PRDM16: variants seen among roughly 807,000 people sequenced by gnomAD.
PRDM16 encodes the protein histone-lysine N-methyltransferase PRDM16.
PRDM16 carries 23 observed loss-of-function variants against 110.6 expected under a neutral mutation model. That is an observed-to-expected ratio of 0.21 (90% CI 0.15 to 0.29). The LOEUF is 0.29. Among genes scored for constraint, PRDM16 ranks in the 10% least tolerant of loss-of-function variants. The pLI is 1.00. For synonymous variants in PRDM16, 799 were observed against 781.8 expected, an observed-to-expected ratio of 1.02 and a Z score of -0.37; for missense variants, 1,615 against 1,794.3, an observed-to-expected ratio of 0.90 and a Z score of 1.81.
At chr1:3,113,184 C>T (rs61765195) in intron 1 of PRDM16, among the ~76,000 whole-genome samples, 7 of 152,208 alleles carry the variant, frequency 4.6e-5, no homozygotes, top group East Asian at 1.9e-4. Flanking sequence ...GCTGGACACC[C>T]GTGCTGTGCA....
Position 3,328,017 on chromosome 1 carries a change from CT to C in PRDM16, c.439-57134del, listed in dbSNP as rs201636054. ...CCCTTGGGAAAAGGAGCAGGAGTCT[CT>C]GGGGACCGGAATCCCCCACAGGAGG... On this transcript the variant is annotated intron_variant, in intron 3 of 16. Coordinates refer to ENST00000270722, the MANE Select transcript of PRDM16 (RefSeq NM_022114.4). Among the ~76,000 whole-genome samples, 1,235 of 152,354 alleles carry C rather than the reference CT, an allele frequency of 8.1e-3. 6 individuals carry two copies. The highest frequency in any genetic ancestry group is 0.014 in the Middle Eastern group (4 of 294).
At chr1:3,325,713 G>A (rs12047663) in intron 3 of PRDM16, among the ~76,000 whole-genome samples, 3,169 of 152,292 alleles carry the variant, frequency 0.021, 171 homozygotes, top group East Asian at 0.11. Flanking sequence ...AGCCTCTCCA[G>A]GTCTGGTGTT....
chr1:3,269,011 G>A (rs537161971), intron 3 of PRDM16, among the ~76,000 whole-genome samples: 2 of 152,380 alleles, frequency 1.3e-5, no homozygotes, highest in Admixed American at 6.5e-5. Context: ...ATCCTTGATA[G>A]GCACTGCAGA....
chr1:3,338,816 C>T (rs1016279932), intron 3 of PRDM16, among the ~76,000 whole-genome samples: 1 of 152,240 alleles, frequency 6.6e-6, no homozygotes, highest in Non-Finnish European at 1.5e-5. Context: ...TGTGGACACA[C>T]ATGCCACCGT....
At chr1:3,285,450 C>G (rs1373879845) in intron 3 of PRDM16, among the ~76,000 whole-genome samples, 1 of 152,242 alleles carries the variant, frequency 6.6e-6, no homozygotes, top group Non-Finnish European at 1.5e-5. Flanking sequence ...AGCCCTGCCA[C>G]AGCCGCTGTG....
At chr1:3,123,600 C>T (rs1409919642) in intron 1 of PRDM16, among the ~76,000 whole-genome samples, 1 of 152,242 alleles carries the variant, frequency 6.6e-6, no homozygotes, top group East Asian at 1.9e-4. Context: ...GCAGCAGGTG[C>T]TGCTGGAACT....
chr1:3,303,379 A>G (rs1429684559), intron 3 of PRDM16, among the ~76,000 whole-genome samples: 3 of 152,110 alleles, frequency 2.0e-5, no homozygotes, highest in African/African-American at 7.2e-5. Context: ...AGGTTTTGCC[A>G]CGGTGAACAC....
At chr1:3,159,660 G>A (rs542554910) in intron 1 of PRDM16, among the ~76,000 whole-genome samples, 32 of 152,346 alleles carry the variant, frequency 2.1e-4, no homozygotes, top group Admixed American at 1.4e-3. Flanking sequence ...CCACACGGGT[G>A]GGTGGTGGGC....
chr1:3,302,945 A>G (rs1175397500), intron 3 of PRDM16, among the ~76,000 whole-genome samples: 1 of 152,194 alleles, frequency 6.6e-6, no homozygotes, highest in Non-Finnish European at 1.5e-5. Flanking sequence ...CTTAGCAAGT[A>G]GGCAAATTCA....
chr1:3,130,249 G>A (rs557847822), intron 1 of PRDM16, among the ~76,000 whole-genome samples: 5 of 152,332 alleles, frequency 3.3e-5, no homozygotes, highest in Non-Finnish European at 7.4e-5. Context: ...GGGTTCCTAG[G>A]ACCCCCGGGC....
intron 2 of PRDM16, among the ~76,000 whole-genome samples, chr1:3,220,553 C>A (rs1209570410): frequency 6.6e-6 from 1 of 152,204 alleles, no homozygotes; most frequent in African/African-American, 2.4e-5. Flanking sequence ...TCGAGTCTTG[C>A]CGTACCCCCA....
At chr1:3,199,930 A>T (rs569109164) in intron 2 of PRDM16, among the ~76,000 whole-genome samples, 1 of 152,216 alleles carries the variant, frequency 6.6e-6, no homozygotes, top group African/African-American at 2.4e-5. Flanking sequence ...CAGGACAGGG[A>T]TGTCCTTGTG....
chr1:3,397,107 G>A (rs534602488), intron 5 of PRDM16, among the ~76,000 whole-genome samples: 2 of 152,342 alleles, frequency 1.3e-5, no homozygotes, highest in African/African-American at 4.8e-5. Flanking sequence ...ATTTAAGAGA[G>A]TGGATGATGG....
chr1:3,147,014 A>G (rs78274103), intron 1 of PRDM16, among the ~76,000 whole-genome samples: 15,118 of 34,628 alleles, frequency 0.44, 2,833 homozygotes, highest in African/African-American at 0.62. Flanking sequence ...TGTGGGGGGT[A>G]TGCGCACGTG....
chr1:3,373,274 A>G lies in PRDM16; in HGVS notation c.439-11878A>G, dbSNP rs562282162. On this transcript the variant is annotated intron_variant, in intron 3 of 16. Coordinates refer to ENST00000270722, the MANE Select transcript of PRDM16 (RefSeq NM_022114.4). ...ACAATGCCAGAGCATTCACACCCAG[A>G]GTCTCCTTAGAGCCCCTAGATTCCT... Among the ~76,000 whole-genome samples, 9 of 152,284 alleles carry G rather than the reference A, an allele frequency of 5.9e-5. No homozygotes were observed. In the South Asian group the frequency reaches 1.2e-3, roughly 21 times the overall value.
At chr1:3,150,277 C>T (rs952518694) in intron 1 of PRDM16, among the ~76,000 whole-genome samples, 35 of 151,844 alleles carry the variant, frequency 2.3e-4, no homozygotes, top group African/African-American at 7.3e-4. Context: ...GGTTTGGGGC[C>T]GGGCATAGTG....
chr1:3,368,689 G>C (rs777772700), intron 3 of PRDM16, among the ~76,000 whole-genome samples: 3 of 152,174 alleles, frequency 2.0e-5, no homozygotes, highest in Non-Finnish European at 4.4e-5. Context: ...AATTCAGCAG[G>C]ATTTTTTCTT....
chr1:3,437,558 G>A lies in PRDM16; in HGVS notation c.*3747G>A. On this transcript the variant is annotated 3_prime_UTR_variant, in exon 17 of 17. Coordinates refer to ENST00000270722, the MANE Select transcript of PRDM16 (RefSeq NM_022114.4). Reference sequence around the variant, plus strand: ...CTCTCCTCCCAGCCAGGGACGCCAGGACATAGCTGCTCCTGGTCAGTGGAG... The same window carrying A: ...CTCTCCTCCCAGCCAGGGACGCCAGAACATAGCTGCTCCTGGTCAGTGGAG... The A allele has an allele frequency of 4.4e-6, 1 of 228,822 alleles. No individual in the cohort carries two copies. The highest frequency in any genetic ancestry group is 2.2e-5 in the African/African-American group (1 of 45,136). 14.2% of individuals were successfully genotyped at this position (228,822 alleles called of 1,614,324 possible).
chr1:3,414,050 G>A (rs949950090), intron 9 of PRDM16, among the ~76,000 whole-genome samples: 22 of 152,180 alleles, frequency 1.4e-4, no homozygotes, highest in African/African-American at 5.1e-4. Context: ...GCCAGGGGCC[G>A]GGTCAGAGAA....
Sources: gnomAD v4.1 joint callset for allele counts (sites outside exome capture counted in the v4.1 genomes callset) on GRCh38, gnomAD v4.1.1 for gene constraint, MANE v1.5 for transcripts, NCBI Gene and HGNC (gene_info 2026-07-23, HGNC 2026-07-21) for gene names.